ALK: variants seen among roughly 807,000 people sequenced by gnomAD.
The protein encoded by ALK is ALK tyrosine kinase receptor.
Under a neutral mutation model 163.1 loss-of-function variants are expected in ALK, and 74 were observed. That is an observed-to-expected ratio of 0.45 (90% CI 0.38 to 0.55). ALK has a LOEUF of 0.55. ALK is among the 20% of genes least tolerant of loss of function. The pLI, the probability that ALK is intolerant of heterozygous loss-of-function variation, is 0.00. For synonymous variants in ALK, 960 were observed against 843.2 expected (o/e 1.14, Z -2.40); for missense variants, 2,063 against 2,105.3 (o/e 0.98, Z 0.39).
intron 4 of ALK, among the ~76,000 whole-genome samples, chr2:29,483,250 C>G (rs1354112980): frequency 6.6e-6 from 1 of 152,226 alleles, no homozygotes; most frequent in Non-Finnish European, 1.5e-5. Context: ...TGTCTGTATA[C>G]TGGTATTGCT....
chr2:29,851,954 T>C (rs1044159067), intron 1 of ALK, among the ~76,000 whole-genome samples: 3 of 152,112 alleles, frequency 2.0e-5, no homozygotes, highest in Non-Finnish European at 2.9e-5. Context: ...CAGTAAGTAG[T>C]AGAATGAGAG....
intron 4 of ALK, among the ~76,000 whole-genome samples, chr2:29,466,651 A>C (rs1671221405): frequency 6.6e-6 from 1 of 152,230 alleles, no homozygotes. Flanking sequence ...TGTTTCTTGT[A>C]AGTAACAGGC....
intron 5 of ALK, among the ~76,000 whole-genome samples, chr2:29,362,942 C>T (rs1668418509): frequency 2.6e-5 from 4 of 152,174 alleles, no homozygotes; most frequent in African/African-American, 9.7e-5. Flanking sequence ...GTTGCTACAA[C>T]AGTAACTCCC....
intron 2 of ALK, among the ~76,000 whole-genome samples, chr2:29,712,551 T>A (rs2148303261): frequency 6.6e-6 from 1 of 152,276 alleles, no homozygotes; most frequent in Middle Eastern, 3.4e-3. Context: ...GCCAGAGCTA[T>A]GAAGCAAATC....
intron 3 of ALK, among the ~76,000 whole-genome samples, chr2:29,694,607 G>C (rs916173559): frequency 1.3e-5 from 2 of 152,216 alleles, no homozygotes; most frequent in African/African-American, 2.4e-5. Context: ...GCATGGAAGA[G>C]AGTTATGAAA....
At chr2:29,421,369 T>C (rs142282860) in intron 4 of ALK, among the ~76,000 whole-genome samples, 1 of 151,648 alleles carries the variant, frequency 6.6e-6, no homozygotes, top group Non-Finnish European at 1.5e-5. Context: ...AGCTCCGTTA[T>C]TGAGTCAGCA....
At chr2:29,319,800 G>A (rs940125548) in intron 7 of ALK, among the ~76,000 whole-genome samples, 3 of 152,258 alleles carry the variant, frequency 2.0e-5, no homozygotes, top group East Asian at 1.9e-4. Context: ...TCTCCTCTGC[G>A]TCTTTTACAG....
At chr2:29,833,763 G>A (rs1030486989) in intron 1 of ALK, among the ~76,000 whole-genome samples, 5 of 152,176 alleles carry the variant, frequency 3.3e-5, no homozygotes, top group African/African-American at 7.2e-5. Context: ...TTGGAGCCCA[G>A]GTCTACCCTG....
intron 9 of ALK, among the ~76,000 whole-genome samples, chr2:29,290,635 C>T (rs10184494): frequency 0.11 from 17,304 of 152,296 alleles, 1,017 homozygotes; most frequent in African/African-American, 0.13. Flanking sequence ...TTGATCCTTA[C>T]AGCAGTGAAC....
intron 9 of ALK, among the ~76,000 whole-genome samples, chr2:29,287,260 C>T (rs1216882473): frequency 6.6e-6 from 1 of 152,146 alleles, no homozygotes; most frequent in Non-Finnish European, 1.5e-5. Flanking sequence ...ACATTGTAAA[C>T]CACTAATATT....
At chr2:29,766,318 T>C (rs1369991285) in intron 1 of ALK, among the ~76,000 whole-genome samples, 2 of 152,198 alleles carry the variant, frequency 1.3e-5, no homozygotes, top group Admixed American at 6.5e-5. Flanking sequence ...TTCAGAACCC[T>C]TCAGGCTGCT....
chr2:29,543,679 T>C (rs1394524544), intron 3 of ALK, among the ~76,000 whole-genome samples: 2 of 152,224 alleles, frequency 1.3e-5, no homozygotes, highest in Non-Finnish European at 2.9e-5. Context: ...GGTGATCTTT[T>C]ACCTGCACTC....
At chr2:29,272,805 T>C in intron 11 of ALK, among the ~76,000 whole-genome samples, 1 of 152,224 alleles carries the variant, frequency 6.6e-6, no homozygotes, top group Admixed American at 6.5e-5. Context: ...TTTCCATTTT[T>C]AGTGTTTATC....
At chr2:29,608,795 A>T (rs759988977) in intron 3 of ALK, among the ~76,000 whole-genome samples, 5 of 152,194 alleles carry the variant, frequency 3.3e-5, no homozygotes, top group African/African-American at 4.8e-5. Context: ...GCAGGAAAGA[A>T]ATTTACCCTT....
At position 29,246,828 on chromosome 2, in the gene ALK, C is replaced by T. The variant is rs927242443; in HGVS notation, c.2204+4277G>A. 6.6e-6 allele frequency among the ~76,000 whole-genome samples: 1 copy of T among 152,180 alleles called. No homozygotes were observed. The highest frequency in any genetic ancestry group is 1.5e-5 in the Non-Finnish European group (1 of 68,032). On this transcript the variant is annotated intron_variant, in intron 12 of 28. Coordinates refer to ENST00000389048, the MANE Select transcript of ALK (RefSeq NM_004304.5). This position sits in a 1 kb window ranked among gnomAD's most constrained non-coding sequence, Gnocchi z 4.3. ...GTGACTCCCTTCCAACTGCTCTCCC[C>T]ACCTCCAGGCCGTTTCTCTCACTTC...
chr2:29,619,314 G>T (rs1675956321), intron 3 of ALK, among the ~76,000 whole-genome samples: 1 of 152,194 alleles, frequency 6.6e-6, no homozygotes. Flanking sequence ...AACCTCTCTA[G>T]GCCTCCTTGG....
intron 4 of ALK, among the ~76,000 whole-genome samples, chr2:29,517,382 T>C (rs879062195): frequency 1.3e-5 from 2 of 152,052 alleles, no homozygotes; most frequent in Non-Finnish European, 2.9e-5. Flanking sequence ...TGAACATATA[T>C]TAAAATAGAC....
chr2:29,820,189 C>T (rs576065619), intron 1 of ALK, among the ~76,000 whole-genome samples: 1 of 152,330 alleles, frequency 6.6e-6, no homozygotes. Context: ...CAGCTTCCTC[C>T]TTGTCCTCTC....
intron 4 of ALK, among the ~76,000 whole-genome samples, chr2:29,505,932 C>T (rs1422230523): frequency 6.6e-6 from 1 of 152,072 alleles, no homozygotes; most frequent in Admixed American, 6.6e-5. Flanking sequence ...TGTAATAAAA[C>T]CCACATGGAC....
Sources: allele counts gnomAD v4.1 joint callset (sites outside exome capture counted in the v4.1 genomes callset), GRCh38; gene constraint gnomAD v4.1.1; non-coding constraint Gnocchi (gnomAD v3.1); transcripts MANE v1.5; gene names NCBI Gene and HGNC (gene_info 2026-07-23, HGNC 2026-07-21).